Variants in GPAM observed in about 807,000 individuals in gnomAD.
GPAM encodes glycerol-3-phosphate acyltransferase, mitochondrial.
In GPAM, 56 loss-of-function variants were observed where a neutral mutation model predicts 105.0. The ratio of observed to expected loss-of-function variants is 0.53; its 90% CI spans 0.43 to 0.67. The LOEUF (loss-of-function observed/expected upper bound fraction) is 0.67. Ranked by LOEUF, GPAM falls within the 30% of genes least tolerant of loss-of-function variation. The pLI, the probability that GPAM is intolerant of heterozygous loss-of-function variation, is 0.00. For synonymous variants in GPAM, 368 were observed against 354.4 expected (o/e 1.04, Z -0.43); for missense variants, 855 against 989.8 (o/e 0.86, Z 1.83).
chr10:112,173,036 G>A lies in GPAM; in HGVS notation c.591C>T (p.Phe197=). The change falls in exon 8 of 22, where the codon TTC becomes TTT. Residue 197 remains phenylalanine, a synonymous_variant. Coordinates refer to ENST00000348367, the MANE Select transcript of GPAM (RefSeq NM_001244949.2). ...RLTGWVLLKL[F]NSFFWNIQIH... Reference sequence around the variant, plus strand: ...TTTGAATGTTCCAAAAGAAGCTGTTGAACAGTTTTAGCAGCACCCACCCAG... The same window carrying A: ...TTTGAATGTTCCAAAAGAAGCTGTTAAACAGTTTTAGCAGCACCCACCCAG... The A allele has an allele frequency of 1.2e-6, 2 of 1,609,020 alleles. No individual in the cohort carries two copies. The highest frequency in any genetic ancestry group is 1.7e-6 in the Non-Finnish European group (2 of 1,175,476).
chr10:112,227,131 T>C, the GPAM span, among the ~76,000 whole-genome samples: 13 of 152,144 alleles, frequency 8.5e-5, no homozygotes, highest in African/African-American at 2.2e-4. Context: ...TAAAGGGCAA[T>C]TGCTAGCCTC....
intron 10 of GPAM, 127 bp from the exon 11 acceptor site, chr10:112,168,651 TCACACTAATAAAAC>T (rs1847260673): frequency 1.3e-6 from 1 of 744,856 alleles, no homozygotes; most frequent in African/African-American, 1.7e-5. Context: ...AGTATCTTAT[TCACACTAATAAAAC>T]AGCTCCTCCA....
chr10:112,222,912 A>T, the GPAM span, among the ~76,000 whole-genome samples: 4 of 151,660 alleles, frequency 2.6e-5, no homozygotes, highest in African/African-American at 9.7e-5. Flanking sequence ...CCTTCAAGAG[A>T]ACCTTCTGCA....
In GPAM at chr10:112,153,343, C is replaced by T. The variant is rs538481391; in HGVS notation, c.*207G>A. The T allele has an allele frequency of 6.4e-4, 949 of 1,479,052 alleles. 3 individuals are homozygous for T. Among genetic ancestry groups the T allele is most frequent in the Admixed American group, 1.4e-3 (60 of 43,796 alleles). The allele number at this position is 1,479,052 out of a possible 1,614,324, so 91.6% of individuals were successfully genotyped here. On this transcript the variant is annotated 3_prime_UTR_variant, in exon 22 of 22. Coordinates refer to ENST00000348367, the MANE Select transcript of GPAM (RefSeq NM_001244949.2). ...GTTGCGAATAGAGGCTGAGGTCCCCCCAAGTGTTATCTGCAGGCTGCTGTG... is the reference window on the plus strand; with the variant it reads ...GTTGCGAATAGAGGCTGAGGTCCCCTCAAGTGTTATCTGCAGGCTGCTGTG...
Position 112,153,379 on chromosome 10 carries a change from G to A in GPAM, c.*171C>T. Reference sequence around the variant, plus strand: ...CTGCAGGCTGCTGTGTTGATGCAGAGCTGGGAAGATCACAGATCCATGGAG... The same window carrying A: ...CTGCAGGCTGCTGTGTTGATGCAGAACTGGGAAGATCACAGATCCATGGAG... On this transcript the variant is annotated 3_prime_UTR_variant, in exon 22 of 22. Coordinates refer to ENST00000348367, the MANE Select transcript of GPAM (RefSeq NM_001244949.2). 6.4e-7 allele frequency: 1 copy of A among 1,560,758 alleles called. No individual in the cohort carries two copies. Among genetic ancestry groups the A allele is most frequent in the Non-Finnish European group, 8.6e-7 (1 of 1,159,522 alleles).
upstream of GPAM, among the ~76,000 whole-genome samples, chr10:112,185,759 C>T (rs1406280893): frequency 4.0e-5 from 6 of 151,680 alleles, no homozygotes; most frequent in South Asian, 2.1e-4. Flanking sequence ...GGTGACAGAG[C>T]GAGACTCTGT....
At chr10:112,196,339 C>T (rs1847723909) in intron 1 of GPAM, among the ~76,000 whole-genome samples, 1 of 152,154 alleles carries the variant, frequency 6.6e-6, no homozygotes, top group South Asian at 2.1e-4. Flanking sequence ...GAAGATCAAT[C>T]TAAGTTCAAC....
upstream of GPAM, among the ~76,000 whole-genome samples, chr10:112,219,203 A>G (rs1847997676): frequency 6.6e-6 from 1 of 152,312 alleles, no homozygotes; most frequent in South Asian, 2.1e-4. Flanking sequence ...ACCAAAGCCC[A>G]CAGCCCTGGC....
chr10:112,160,069 C>G lies in GPAM; in HGVS notation c.1760-16G>C, dbSNP rs576224776. On this transcript the variant is annotated splice_polypyrimidine_tract_variant and intron_variant, in intron 16 of 21. Transcript: ENST00000348367. ...AGGCTGCAAGCTAAGAAAAGAAAAG[C>G]AACAATGAAGTTGCCAGCTCAAAGT... is the stretch of plus-strand genomic sequence containing the variant. 9.2e-5 allele frequency: 149 copies of G among 1,613,778 alleles called. 1 individual carries two copies. In the South Asian group the frequency reaches 1.4e-3, roughly 15 times the overall value.
intron 1 of GPAM, among the ~76,000 whole-genome samples, chr10:112,210,441 A>G (rs1847898650): frequency 6.6e-6 from 1 of 152,170 alleles, no homozygotes; most frequent in African/African-American, 2.4e-5. Flanking sequence ...TGCTCTCTTC[A>G]GGCATCGTCG....
chr10:112,208,973 G>C (rs919679057), intron 1 of GPAM, among the ~76,000 whole-genome samples: 1 of 152,216 alleles, frequency 6.6e-6, no homozygotes, highest in African/African-American at 2.4e-5. Context: ...GTTGGCTGGA[G>C]AAGGATCAGA....
chr10:112,173,631 T>A, intron 7 of GPAM, 68 bp downstream of exon 7: 6 of 1,432,694 alleles, frequency 4.2e-6, no homozygotes, highest in Non-Finnish European at 5.9e-6. Flanking sequence ...GAAAGTTCAA[T>A]AATTCAGTCT....
chr10:112,202,290 T>C (rs1847807167), intron 1 of GPAM, among the ~76,000 whole-genome samples: 2 of 152,178 alleles, frequency 1.3e-5, no homozygotes, highest in South Asian at 2.1e-4. Flanking sequence ...ATCAAACAGA[T>C]AGTGAGCAGT....
chr10:112,172,150 AT>A (rs749258075), intron 9 of GPAM, 31 bp downstream of exon 9: 41 of 1,515,114 alleles, frequency 2.7e-5, no homozygotes, highest in Non-Finnish European at 2.8e-6. Flanking sequence ...AATCTTTTTA[AT>A]TCCTTAAATT....
chr10:112,208,493 G>C lies in GPAM; in HGVS notation n.210+6675C>G, dbSNP rs544223958. Reference sequence around the variant, plus strand: ...AAGAAAACAGTAGTTTCTATTTAAGGATTTGGCTGCAATAGCCAGCTAAGT... The same window carrying C: ...AAGAAAACAGTAGTTTCTATTTAAGCATTTGGCTGCAATAGCCAGCTAAGT... On this transcript the variant is annotated intron_variant and non_coding_transcript_variant, in intron 1 of 3. Transcript: ENST00000480130. Among the ~76,000 whole-genome samples, 5 of 152,250 alleles carry C rather than the reference G, an allele frequency of 3.3e-5. No homozygotes were observed. The East Asian group carries it at 7.8e-4, about 24-fold the overall frequency.
In GPAM at chr10:112,170,941, C is replaced by A. The variant is rs60890828; in HGVS notation, c.794+1241G>T. 2.7e-3 allele frequency among the ~76,000 whole-genome samples: 413 copies of A among 152,232 alleles called. 3 individuals are homozygous for A. Among genetic ancestry groups the A allele is most frequent in the African/African-American group, 8.7e-3 (363 of 41,532 alleles). ...TCTGAAAGCCTATAGAACTCTGAAC[C>A]AAGGGATTAAGAAGGAGCTCCTTAG... On this transcript the variant is annotated intron_variant, in intron 9 of 21. Transcript: ENST00000348367.
At chr10:112,195,359 C>A (rs1847710966) in intron 1 of GPAM, among the ~76,000 whole-genome samples, 2 of 152,196 alleles carry the variant, frequency 1.3e-5, no homozygotes, top group South Asian at 2.1e-4. Flanking sequence ...CACCACCCCC[C>A]ATCTCCGTCC....
intron 1 of GPAM, among the ~76,000 whole-genome samples, chr10:112,207,925 T>A (rs780059941): frequency 6.6e-6 from 1 of 152,232 alleles, no homozygotes; most frequent in Non-Finnish European, 1.5e-5. Flanking sequence ...GGTCCTAGCA[T>A]GACCTGCTTA....
chr10:112,192,568 G>C (rs1395486876), intron 1 of GPAM, among the ~76,000 whole-genome samples: 1 of 152,158 alleles, frequency 6.6e-6, no homozygotes, highest in African/African-American at 2.4e-5. Flanking sequence ...TCCAAGAAGA[G>C]GGAAGAGCAC....
Sources: allele counts gnomAD v4.1 joint callset (sites outside exome capture counted in the v4.1 genomes callset), GRCh38; gene constraint gnomAD v4.1.1; transcripts MANE v1.5; gene names NCBI Gene and HGNC (gene_info 2026-07-23, HGNC 2026-07-21).